The following ZNF385D variants were observed in gnomAD, a reference collection of about 807,000 sequenced individuals.
ZNF385D encodes zinc finger protein 385D, also known as zinc finger protein 659.
A neutral mutation model predicts 35.8 loss-of-function variants in ZNF385D; 15 were observed. That is an observed-to-expected ratio of 0.42 (90% confidence interval 0.28 to 0.64). The LOEUF (loss-of-function observed/expected upper bound fraction) is 0.64, where lower values mean the gene tolerates loss of function less well. ZNF385D is among the 30% of genes least tolerant of loss of function. The pLI, the probability that ZNF385D is intolerant of heterozygous loss-of-function variation, is 0.23. For synonymous variants in ZNF385D, 212 were observed against 186.8 expected (o/e 1.13, Z -1.10); for missense variants, 474 against 494.6 (o/e 0.96, Z 0.39).
At chr3:22,086,554 A>G (rs929146553) in intron 3 of ZNF385D, among the ~76,000 whole-genome samples, 16 of 152,342 alleles carry the variant, frequency 1.1e-4, no homozygotes, top group Admixed American at 2.0e-4. Context: ...AAAAGAGGAC[A>G]CAAAGAAATG....
intron 3 of ZNF385D, among the ~76,000 whole-genome samples, chr3:21,970,281 T>C (rs1173018690): frequency 3.9e-5 from 6 of 152,086 alleles, no homozygotes; most frequent in Non-Finnish European, 7.4e-5. Flanking sequence ...TAATTCAAAA[T>C]AGCTGTTTTG....
At chr3:21,463,336 CTG>C (rs1388713572) in intron 4 of ZNF385D, among the ~76,000 whole-genome samples, 3 of 152,134 alleles carry the variant, frequency 2.0e-5, no homozygotes, top group African/African-American at 4.8e-5. Flanking sequence ...GGGATTGACA[CTG>C]TGATTTGTTT....
At chr3:21,753,766 GGTT>G (rs35233792), upstream of ZNF385D, among the ~76,000 whole-genome samples, 66,351 of 147,668 alleles carry the variant, frequency 0.45, 15,128 homozygotes, top group Middle Eastern at 0.65. Context: ...CAACTTTGGT[GGTT>G]GTTGTTGTTG....
intron 3 of ZNF385D, among the ~76,000 whole-genome samples, chr3:22,037,720 C>A (rs1698424380): frequency 6.6e-6 from 1 of 152,024 alleles, no homozygotes; most frequent in Non-Finnish European, 1.5e-5. Flanking sequence ...TAATTAGATC[C>A]CATTTGTCAA....
intron 1 of ZNF385D, among the ~76,000 whole-genome samples, chr3:21,687,295 T>A (rs899030076): frequency 1.3e-5 from 2 of 152,198 alleles, no homozygotes; most frequent in Admixed American, 6.5e-5. Flanking sequence ...AAACCCAAAA[T>A]ATATTATGAA....
chr3:21,773,371 T>C (rs2071157096), intron 3 of ZNF385D, among the ~76,000 whole-genome samples: 1 of 151,934 alleles, frequency 6.6e-6, no homozygotes, highest in African/African-American at 2.4e-5. Flanking sequence ...AAAGATTTTA[T>C]GATGAAGACT....
intron 1 of ZNF385D, among the ~76,000 whole-genome samples, chr3:21,700,967 C>T (rs2067660417): frequency 6.6e-6 from 1 of 152,162 alleles, no homozygotes; most frequent in Non-Finnish European, 1.5e-5. Flanking sequence ...ACTTTCTCCA[C>T]CCTTTGAGGC....
At chr3:22,194,265 C>T (rs540241076) in intron 2 of ZNF385D, among the ~76,000 whole-genome samples, 466 of 151,808 alleles carry the variant, frequency 3.1e-3, no homozygotes, top group Non-Finnish European at 5.4e-3. Flanking sequence ...TCATATACAT[C>T]GGTGCTATTT....
chr3:21,731,088 A>G (rs34539328), intron 1 of ZNF385D, among the ~76,000 whole-genome samples: 1,870 of 152,316 alleles, frequency 0.012, 21 homozygotes, highest in Non-Finnish European at 0.02. Context: ...ATATATATGC[A>G]TATTTAAATA....
At chr3:21,775,784 TTGTC>T (rs1457049420) in intron 3 of ZNF385D, among the ~76,000 whole-genome samples, 2 of 151,894 alleles carry the variant, frequency 1.3e-5, no homozygotes, top group African/African-American at 4.8e-5. Flanking sequence ...AATTTTTAGA[TTGTC>T]TGAGCTATAG....
At chr3:22,025,953 G>A (rs1033173007) in intron 3 of ZNF385D, among the ~76,000 whole-genome samples, 2 of 146,866 alleles carry the variant, frequency 1.4e-5, no homozygotes, top group African/African-American at 4.9e-5. Flanking sequence ...GGTGGCAGGG[G>A]CCAAGTGGCA....
chr3:22,041,138 G>A (rs1430434151), intron 3 of ZNF385D, among the ~76,000 whole-genome samples: 3 of 151,568 alleles, frequency 2.0e-5, no homozygotes, highest in Non-Finnish European at 2.9e-5. Flanking sequence ...GTTGGCTCCT[G>A]AGCAAGTTCC....
chr3:21,863,950 T>C (rs1340510917), intron 3 of ZNF385D, among the ~76,000 whole-genome samples: 3 of 152,230 alleles, frequency 2.0e-5, no homozygotes, highest in African/African-American at 4.8e-5. Flanking sequence ...ATTCAGCAAA[T>C]CTGGGGAAGA....
rs370222898 is a variant in ZNF385D, at chr3:22,364,112, TA to T, written c.106+8337del. ...TTATTTCATAATCATTCTAGGCTCTTATTTTTTTGGAATTTGATTTAGTGAT... is the reference window on the plus strand; with the variant it reads ...TTATTTCATAATCATTCTAGGCTCTTTTTTTTTGGAATTTGATTTAGTGAT... On this transcript the variant is annotated intron_variant, in intron 2 of 5. Coordinates refer to the ZNF385D transcript ENST00000494108. 1.9e-3 allele frequency among the ~76,000 whole-genome samples: 293 copies of T among 152,282 alleles called. 5 individuals are homozygous for T. The South Asian group carries it at 0.032, about 17-fold the overall frequency.
rs1047492766 is a variant in ZNF385D at position 21,418,113 on chromosome 3, T to C, written c.*3101A>G. 3.3e-5 allele frequency: 5 copies of C among 152,154 alleles called. No individual in the cohort carries two copies. The highest frequency in any genetic ancestry group is 1.2e-4 in the African/African-American group (5 of 41,456). The allele number at this position is 152,154 out of a possible 1,614,324, so 9.4% of individuals were successfully genotyped here. ...ATCTGATTGAGGTGCAACAATGCTT[T>C]TTCCAGAGGCATTTGGCTTCTGCAA... On this transcript the variant is annotated 3_prime_UTR_variant, in exon 8 of 8. Transcript: ENST00000281523.
At chr3:21,521,399 G>A (rs1301259083) in intron 3 of ZNF385D, among the ~76,000 whole-genome samples, 6 of 152,160 alleles carry the variant, frequency 3.9e-5, no homozygotes. Context: ...TGCTCTTGTA[G>A]GTACTGATGA....
intron 4 of ZNF385D, among the ~76,000 whole-genome samples, chr3:21,466,858 A>G (rs142554551): frequency 1.3e-5 from 2 of 152,178 alleles, no homozygotes. Flanking sequence ...GAGAGTATCT[A>G]TTACTGCCCC....
At chr3:21,989,347 A>G (rs144166106) in intron 3 of ZNF385D, among the ~76,000 whole-genome samples, 62 of 152,292 alleles carry the variant, frequency 4.1e-4, no homozygotes, top group African/African-American at 1.5e-3. Context: ...CATTTCTGGA[A>G]TATGTTCATT....
At chr3:22,251,472 ATCTCTTAAGTGGCTAT>A (rs1236066053) in intron 2 of ZNF385D, among the ~76,000 whole-genome samples, 1 of 152,068 alleles carries the variant, frequency 6.6e-6, no homozygotes, top group East Asian at 1.9e-4. Context: ...CTACTTGGAA[ATCTCTTAAGTGGCTAT>A]TCATAATTTT....
Sources: allele counts gnomAD v4.1 joint callset (sites outside exome capture counted in the v4.1 genomes callset), GRCh38; gene constraint gnomAD v4.1.1; transcripts MANE v1.5; gene names NCBI Gene and HGNC (gene_info 2026-07-23, HGNC 2026-07-21).